Variants in EXT1 observed in about 807,000 individuals in gnomAD.
EXT1 encodes the protein exostosin glycosyltransferase 1.
A neutral mutation model predicts 82.5 loss-of-function variants in EXT1; 20 were observed. The observed-to-expected ratio is 0.24, with a 90% CI of 0.17 to 0.35. The LOEUF is 0.35. Among genes scored for constraint, EXT1 ranks in the 10% least tolerant of loss-of-function variants. EXT1 has a pLI of 1.00. For synonymous variants in EXT1, 348 were observed against 350.8 expected (o/e 0.99, Z 0.09); for missense variants, 757 against 936.5 (o/e 0.81, Z 2.50).
chr8:117,822,890 TAGACTGTGTG>T (rs1455388772), intron 4 of EXT1, among the ~76,000 whole-genome samples: 1 of 152,184 alleles, frequency 6.6e-6, no homozygotes, highest in Non-Finnish European at 1.5e-5. Context: ...CATTCCAAAA[TAGACTGTGTG>T]GAGCAGTTAG....
intron 8 of EXT1, among the ~76,000 whole-genome samples, chr8:117,812,651 G>T (rs1323004096): frequency 1.3e-5 from 2 of 152,218 alleles, no homozygotes; most frequent in East Asian, 3.8e-4. Flanking sequence ...CAAATGAGGA[G>T]CCAATTAGCA....
At position 117,894,506 on chromosome 8, in the gene EXT1, A is replaced by G. The variant is rs117581189; in HGVS notation, c.963-57305T>C. Reference sequence around the variant, plus strand: ...ACAGAATCAGTCCAAAGAGAAAACAATGAAAACGACAGTCTTACTTGTACC... The same window carrying G: ...ACAGAATCAGTCCAAAGAGAAAACAGTGAAAACGACAGTCTTACTTGTACC... On this transcript the variant is annotated intron_variant, in intron 1 of 10. Transcript: ENST00000378204. Among the ~76,000 whole-genome samples the G allele has an allele frequency of 3.3e-5, 5 of 152,340 alleles. No homozygotes were observed. The East Asian group carries it at 9.6e-4, about 29-fold the overall frequency.
chr8:117,998,770 C>A (rs1328125563), intron 1 of EXT1, among the ~76,000 whole-genome samples: 1 of 152,096 alleles, frequency 6.6e-6, no homozygotes, highest in African/African-American at 2.4e-5. Context: ...CTTGTAAAAC[C>A]CCCAAATGAG....
chr8:117,851,461 G>A (rs971482739), intron 1 of EXT1, among the ~76,000 whole-genome samples: 2 of 150,624 alleles, frequency 1.3e-5, no homozygotes, highest in African/African-American at 4.9e-5. Flanking sequence ...AAGTGCTTAA[G>A]CTGCCTTAAA....
chr8:117,803,149 C>T (rs1159909571), intron 10 of EXT1, among the ~76,000 whole-genome samples: 2 of 152,022 alleles, frequency 1.3e-5, no homozygotes, highest in Non-Finnish European at 2.9e-5. Flanking sequence ...CATGATTTAA[C>T]GTGAGTGAAT....
intron 1 of EXT1, among the ~76,000 whole-genome samples, chr8:117,959,089 A>G (rs2129712673): frequency 6.6e-6 from 1 of 152,292 alleles, no homozygotes; most frequent in South Asian, 2.1e-4. Context: ...ACTTCCTCCA[A>G]TTAGCATCAC....
intron 3 of EXT1, among the ~76,000 whole-genome samples, chr8:117,834,005 C>G (rs1015610950): frequency 6.6e-6 from 1 of 152,150 alleles, no homozygotes; most frequent in Non-Finnish European, 1.5e-5. Flanking sequence ...GGCCCTTTCA[C>G]AAAAACTCCA....
At chr8:117,807,006 GT>G (rs1326730623) in intron 9 of EXT1, among the ~76,000 whole-genome samples, 2 of 152,102 alleles carry the variant, frequency 1.3e-5, no homozygotes, top group Non-Finnish European at 2.9e-5. Context: ...AACTGAAAAT[GT>G]TACTCTACCA....
intron 1 of EXT1, among the ~76,000 whole-genome samples, chr8:118,048,680 AT>A (rs1250229319): frequency 6.6e-6 from 1 of 152,210 alleles, no homozygotes; most frequent in Non-Finnish European, 1.5e-5. Context: ...ATATTTGTAT[AT>A]GTGTAAAAAA....
chr8:117,830,662 CT>C (rs1812083932), intron 3 of EXT1, among the ~76,000 whole-genome samples: 8 of 152,268 alleles, frequency 5.3e-5, no homozygotes, highest in Admixed American at 5.2e-4. Flanking sequence ...AATCCTTGAC[CT>C]TGCACATGAA....
intron 8 of EXT1, among the ~76,000 whole-genome samples, chr8:117,807,778 G>A (rs930118928): frequency 8.6e-5 from 13 of 151,762 alleles, no homozygotes; most frequent in African/African-American, 3.1e-4. Flanking sequence ...TCCAAAGAAT[G>A]AATATACAAC....
intron 1 of EXT1, among the ~76,000 whole-genome samples, chr8:117,986,380 G>C (rs1055205398): frequency 6.6e-6 from 1 of 152,122 alleles, no homozygotes; most frequent in East Asian, 1.9e-4. Flanking sequence ...TAGCAGAGAG[G>C]GGTTTTGACA....
chr8:117,959,642 T>C (rs1814659116), intron 1 of EXT1, among the ~76,000 whole-genome samples: 1 of 152,212 alleles, frequency 6.6e-6, no homozygotes, highest in Admixed American at 6.5e-5. Context: ...GAGATAATTA[T>C]ATTGGACACA....
In EXT1 at chr8:118,058,870, G is replaced by A. The variant is rs576791565; in HGVS notation, c.962+51215C>T. The stretch of plus-strand genomic sequence containing the variant: ...ACAGGCAGGCAGACAAAAAAGTAGA[G>A]GATTTACATGGACTGGACCCAAATT... On this transcript the variant is annotated intron_variant, in intron 1 of 10. Transcript: ENST00000378204. Among the ~76,000 whole-genome samples, 14 of 152,246 alleles carry A rather than the reference G, an allele frequency of 9.2e-5. No homozygotes were observed. In the East Asian group the frequency reaches 2.7e-3, roughly 29 times the overall value.
In EXT1 at chr8:117,959,856, C is replaced by T. The variant is rs190062196; in HGVS notation, c.963-122655G>A. Among the ~76,000 whole-genome samples the T allele has an allele frequency of 3.0e-3, 456 of 152,268 alleles. 2 individuals carry two copies. Among genetic ancestry groups the T allele is most frequent in the Non-Finnish European group, 5.2e-3 (352 of 68,014 alleles). ...AAGATAGTAAAGTTACTTATCATTT[C>T]AAAGCTTCATTGTGACTTCACAGAG... On this transcript the variant is annotated intron_variant, in intron 1 of 10. Transcript: ENST00000378204.
At chr8:117,903,865 G>A (rs28357275) in intron 1 of EXT1, among the ~76,000 whole-genome samples, 46,475 of 152,066 alleles carry the variant, frequency 0.31, 7,434 homozygotes, top group East Asian at 0.37. Context: ...GAACTATAAA[G>A]GATGTTCTAA....
At chr8:117,996,012 C>T (rs1016420501) in intron 1 of EXT1, among the ~76,000 whole-genome samples, 5 of 152,076 alleles carry the variant, frequency 3.3e-5, no homozygotes, top group African/African-American at 1.2e-4. Context: ...CTGGTGCTCT[C>T]CCAGAACCTT....
intron 1 of EXT1, among the ~76,000 whole-genome samples, chr8:117,844,638 T>C (rs1812324728): frequency 6.6e-6 from 1 of 152,060 alleles, no homozygotes; most frequent in Non-Finnish European, 1.5e-5. Flanking sequence ...TATGGAAAAG[T>C]ATAGGTCCCT....
rs73704898 is a variant in EXT1, at chr8:118,053,948, C to G, written c.962+56137G>C. On this transcript the variant is annotated intron_variant, in intron 1 of 10. Coordinates refer to ENST00000378204, the MANE Select transcript of EXT1 (RefSeq NM_000127.3). ...TACTAAAGCAGTGGTCTTCAGTGAC[C>G]CCACCAAGGCACATCTGGCAGTCAG... Among the ~76,000 whole-genome samples, 287 of 152,228 alleles carry G rather than the reference C, an allele frequency of 1.9e-3. 1 individual carries two copies. Among genetic ancestry groups the G allele is most frequent in the African/African-American group, 6.7e-3 (280 of 41,546 alleles).
Sources: allele counts gnomAD v4.1 joint callset (sites outside exome capture counted in the v4.1 genomes callset), GRCh38; gene constraint gnomAD v4.1.1; transcripts MANE v1.5; gene names NCBI Gene and HGNC (gene_info 2026-07-23, HGNC 2026-07-21).